VAT1L: variants seen among roughly 807,000 people sequenced by gnomAD.
VAT1L encodes the protein putative NADPH-dependent quinone oxidoreductase VAT1L.
In VAT1L, 34 loss-of-function variants were observed where a neutral mutation model predicts 44.1. That is an observed-to-expected ratio of 0.77 (90% CI 0.59 to 1.03). The LOEUF is 1.03. Among genes scored for constraint, VAT1L ranks in the 50% least tolerant of loss-of-function variants. VAT1L has a pLI of 0.00. For missense variants in VAT1L, 615 were observed against 538.8 expected, an observed-to-expected ratio of 1.14 and a Z score of -1.40; for synonymous variants, 253 against 202.2, an observed-to-expected ratio of 1.25 and a Z score of -2.13.
At chr16:77,901,416 C>T (rs1409504774) in intron 7 of VAT1L, among the ~76,000 whole-genome samples, 4 of 151,904 alleles carry the variant, frequency 2.6e-5, no homozygotes, top group South Asian at 2.1e-4. Flanking sequence ...CGCCCGCCTC[C>T]GCCTCCCAAA....
chr16:77,843,418 G>A (rs2016727065), intron 3 of VAT1L, among the ~76,000 whole-genome samples: 1 of 152,152 alleles, frequency 6.6e-6, no homozygotes, highest in African/African-American at 2.4e-5. Flanking sequence ...CCCCAGGAGA[G>A]ATGCTGGATT....
intron 7 of VAT1L, among the ~76,000 whole-genome samples, chr16:77,964,472 C>T (rs2142538005): frequency 6.6e-6 from 1 of 152,308 alleles, no homozygotes; most frequent in East Asian, 1.9e-4. Flanking sequence ...CTTGTCCCAT[C>T]ACCTGCTCTC....
chr16:77,852,707 A>G (rs1041534724), intron 3 of VAT1L, among the ~76,000 whole-genome samples: 14 of 152,312 alleles, frequency 9.2e-5, no homozygotes, highest in Admixed American at 8.5e-4. Flanking sequence ...CTTACCAGGA[A>G]GAGGTGGTTC....
intron 3 of VAT1L, among the ~76,000 whole-genome samples, chr16:77,843,563 C>T (rs1413110328): frequency 6.6e-6 from 1 of 152,164 alleles, no homozygotes; most frequent in Non-Finnish European, 1.5e-5. Context: ...GATTAGGAGA[C>T]ACGTCCAGTC....
intron 3 of VAT1L, among the ~76,000 whole-genome samples, chr16:77,852,300 CA>C (rs992563212): frequency 2.0e-5 from 3 of 152,212 alleles, no homozygotes; most frequent in Non-Finnish European, 2.9e-5. Flanking sequence ...TTTGGGAAAG[CA>C]AAAGTCACCT....
chr16:77,871,788 A>G (rs1346965550), intron 4 of VAT1L, among the ~76,000 whole-genome samples: 1 of 152,138 alleles, frequency 6.6e-6, no homozygotes, highest in Non-Finnish European at 1.5e-5. Flanking sequence ...GGGACATAGT[A>G]ATTGCTCAAG....
chr16:77,834,121 T>C (rs908190513), intron 3 of VAT1L, among the ~76,000 whole-genome samples: 3 of 152,194 alleles, frequency 2.0e-5, no homozygotes, highest in Non-Finnish European at 2.9e-5. Context: ...CGGCTCCCAT[T>C]GTTCTCAGGA....
At chr16:77,924,203 C>T (rs1007094705) in intron 7 of VAT1L, among the ~76,000 whole-genome samples, 1 of 151,436 alleles carries the variant, frequency 6.6e-6, no homozygotes, top group Non-Finnish European at 1.5e-5. Flanking sequence ...GTCTGAAACT[C>T]TTCCTTCAAT....
chr16:77,952,844 G>A (rs1204305202), intron 7 of VAT1L, among the ~76,000 whole-genome samples: 2 of 92,514 alleles, frequency 2.2e-5, no homozygotes, highest in African/African-American at 5.1e-5. Flanking sequence ...GGAACAGAGT[G>A]AGACTCCATT....
intron 7 of VAT1L, among the ~76,000 whole-genome samples, chr16:77,926,718 C>G (rs1381011723): frequency 1.3e-5 from 2 of 152,108 alleles, no homozygotes; most frequent in African/African-American, 4.8e-5. Flanking sequence ...AACCTCTATG[C>G]CCCACTAATG....
At chr16:77,903,061 G>T (rs961093992) in intron 7 of VAT1L, among the ~76,000 whole-genome samples, 9 of 151,196 alleles carry the variant, frequency 6.0e-5, no homozygotes, top group Non-Finnish European at 1.3e-4. Context: ...TACTTTTAAT[G>T]TGCAGCATTC....
chr16:77,792,148 C>T (rs1262539065), intron 1 of VAT1L, among the ~76,000 whole-genome samples: 4 of 152,142 alleles, frequency 2.6e-5, no homozygotes, highest in South Asian at 2.1e-4. Context: ...AAGACACTGC[C>T]GCGTTGTCAG....
intron 7 of VAT1L, among the ~76,000 whole-genome samples, chr16:77,940,897 G>A (rs1386096445): frequency 6.6e-6 from 1 of 152,092 alleles, no homozygotes; most frequent in Non-Finnish European, 1.5e-5. Flanking sequence ...TAAGATTAAA[G>A]TCTCAGTGAG....
At chr16:77,927,983 G>A (rs1188281195) in intron 7 of VAT1L, among the ~76,000 whole-genome samples, 1 of 152,132 alleles carries the variant, frequency 6.6e-6, no homozygotes, top group African/African-American at 2.4e-5. Flanking sequence ...AAAGTCATTT[G>A]ACCTCTAATT....
chr16:77,801,636 C>G (rs1413096134), intron 1 of VAT1L: 1 of 151,586 alleles, frequency 6.6e-6, no homozygotes, highest in Non-Finnish European at 1.5e-5. Flanking sequence ...CTGCACTCTT[C>G]ATACTCCTAC....
At position 77,980,106 on chromosome 16, in the gene VAT1L, C is replaced by T. The variant is rs1469806405; in HGVS notation, c.*2411C>T. 1 of 152,638 alleles carries T rather than the reference C, an allele frequency of 6.6e-6. No individual in the cohort carries two copies. Among genetic ancestry groups the T allele is most frequent in the Non-Finnish European group, 1.5e-5 (1 of 68,040 alleles). 9.5% of individuals were successfully genotyped at this position (152,638 alleles called of 1,614,324 possible). On this transcript the variant is annotated 3_prime_UTR_variant, in exon 9 of 9. Coordinates refer to ENST00000302536, the MANE Select transcript of VAT1L (RefSeq NM_020927.3). ...TAAAGTATTCAGCATAGCAAAACCT[C>T]ACCTGGCATCTGCTATTCCACATAA...
chr16:77,794,577 G>T (rs942078960), intron 1 of VAT1L, among the ~76,000 whole-genome samples: 4 of 152,210 alleles, frequency 2.6e-5, no homozygotes, highest in Non-Finnish European at 5.9e-5. Flanking sequence ...CACCAGTAAG[G>T]TTGATGCAAT....
intron 7 of VAT1L, among the ~76,000 whole-genome samples, chr16:77,971,382 G>A (rs756456761): frequency 2.6e-5 from 4 of 152,116 alleles, no homozygotes; most frequent in African/African-American, 9.7e-5. Flanking sequence ...AACCAGAATC[G>A]TGAGAATTTT....
At chr16:77,965,280 C>T (rs914225168) in intron 7 of VAT1L, among the ~76,000 whole-genome samples, 1 of 152,110 alleles carries the variant, frequency 6.6e-6, no homozygotes, top group Non-Finnish European at 1.5e-5. Flanking sequence ...TATTATCACT[C>T]ACATAAGATG....
Sources: gnomAD v4.1 joint callset for allele counts (sites outside exome capture counted in the v4.1 genomes callset) on GRCh38, gnomAD v4.1.1 for gene constraint, MANE v1.5 for transcripts, NCBI Gene and HGNC (gene_info 2026-07-23, HGNC 2026-07-21) for gene names.